The following SORCS1 variants were observed in gnomAD, a reference collection of about 807,000 sequenced individuals.
The protein encoded by SORCS1 is sortilin related VPS10 domain containing receptor 1.
Under a neutral mutation model 146.1 loss-of-function variants are expected in SORCS1, and 60 were observed. The ratio of observed to expected loss-of-function variants is 0.41; its 90% CI spans 0.33 to 0.51. SORCS1 has a LOEUF of 0.51. Among genes scored for constraint, SORCS1 ranks in the 20% least tolerant of loss-of-function variants. The probability of loss-of-function intolerance (pLI) is 0.21; values close to 1 mark genes in which losing one functional copy is unlikely to be tolerated. For synonymous variants in SORCS1, 637 were observed against 584.0 expected, an observed-to-expected ratio of 1.09 and a Z score of -1.31; for missense variants, 1,352 against 1,487.6, an observed-to-expected ratio of 0.91 and a Z score of 1.50.
chr10:106,734,235 G>A (rs1395473927), intron 5 of SORCS1, among the ~76,000 whole-genome samples: 1 of 152,174 alleles, frequency 6.6e-6, no homozygotes, highest in Non-Finnish European at 1.5e-5. Context: ...TTATGGAAGG[G>A]AAAGGGAGTC....
At chr10:106,715,417 G>A (rs1425940819) in intron 6 of SORCS1, among the ~76,000 whole-genome samples, 1 of 152,192 alleles carries the variant, frequency 6.6e-6, no homozygotes, top group African/African-American at 2.4e-5. Flanking sequence ...AACCTGTGCT[G>A]TTCTAGAGAA....
chr10:106,933,618 C>T (rs1398253859), intron 2 of SORCS1, among the ~76,000 whole-genome samples: 1 of 152,094 alleles, frequency 6.6e-6, no homozygotes, highest in African/African-American at 2.4e-5. Context: ...GATATCTGAA[C>T]AGACAGTTGT....
chr10:106,933,132 T>C (rs1307710541), intron 2 of SORCS1, among the ~76,000 whole-genome samples: 1 of 152,182 alleles, frequency 6.6e-6, no homozygotes, highest in Non-Finnish European at 1.5e-5. Context: ...AATGGCAAGA[T>C]GGGAGAACAT....
intron 12 of SORCS1, among the ~76,000 whole-genome samples, chr10:106,677,625 A>C (rs771444526): frequency 1.7e-4 from 26 of 152,226 alleles, no homozygotes; most frequent in Non-Finnish European, 2.8e-4. Context: ...AATAAATTTG[A>C]ACAATGAATA....
chr10:106,747,399 T>A (rs994547577), intron 5 of SORCS1, among the ~76,000 whole-genome samples: 6 of 152,224 alleles, frequency 3.9e-5, no homozygotes, highest in African/African-American at 1.4e-4. Flanking sequence ...AAGAGATTCC[T>A]GCAAGTCATA....
At chr10:106,581,318 TACATACACACAC>T (rs1304359919) in intron 24 of SORCS1, among the ~76,000 whole-genome samples, 2 of 125,662 alleles carry the variant, frequency 1.6e-5, no homozygotes, top group African/African-American at 3.6e-5. Context: ...TGAATCGTCA[TACATACACACAC>T]ACACACACAC....
At chr10:107,000,605 C>CAAA (rs1217124316) in intron 1 of SORCS1, among the ~76,000 whole-genome samples, 16 of 75,560 alleles carry the variant, frequency 2.1e-4, no homozygotes, top group African/African-American at 7.7e-4. Context: ...GACTCCATCT[C>CAAA]AAAAAAAAAA....
At chr10:106,706,050 C>A (rs1167311681) in intron 8 of SORCS1, among the ~76,000 whole-genome samples, 1 of 152,150 alleles carries the variant, frequency 6.6e-6, no homozygotes, top group East Asian at 1.9e-4. Flanking sequence ...AGCTGTTGCA[C>A]TGATACATAA....
At chr10:106,664,959 C>G (rs565198868) in intron 17 of SORCS1, among the ~76,000 whole-genome samples, 1 of 151,990 alleles carries the variant, frequency 6.6e-6, no homozygotes, top group African/African-American at 2.4e-5. Context: ...TTTTATTAAC[C>G]TTTTCATTTT....
rs773702730 is a variant in SORCS1 at position 107,164,213 on chromosome 10, G to A, written c.314C>T (p.Ser105Phe). ...TGASMAVAARSGRRRRSGADQ... is the reference protein window; with the variant it reads ...TGASMAVAARFGRRRRSGADQ... ...CGCTCCGCTCCGTCTCCTCCGGCCG[G>A]AGCGTGCAGCAACCGCCATGGATGC... is the stretch of plus-strand genomic sequence containing the variant. The change falls in exon 1 of 26, where the codon TCC becomes TTC. Residue 105 changes from serine to phenylalanine, a missense_variant. Transcript: ENST00000263054. This position sits in a 1 kb window ranked among gnomAD's most constrained non-coding sequence, Gnocchi z 6.8. The A allele has an allele frequency of 2.5e-6, 4 of 1,609,138 alleles. No individual in the cohort carries two copies. The highest frequency in any genetic ancestry group is 3.4e-6 in the Non-Finnish European group (4 of 1,179,770).
chr10:106,904,270 T>G (rs1260228011), intron 2 of SORCS1, among the ~76,000 whole-genome samples: 1 of 152,228 alleles, frequency 6.6e-6, no homozygotes, highest in Admixed American at 6.5e-5. Flanking sequence ...GTCTAAATGT[T>G]TATTTAACAA....
chr10:106,971,436 T>G (rs1955782576), intron 1 of SORCS1, among the ~76,000 whole-genome samples: 1 of 152,242 alleles, frequency 6.6e-6, no homozygotes, highest in Non-Finnish European at 1.5e-5. Context: ...TGAGCAATTA[T>G]TGTAACTAGC....
At chr10:106,643,709 G>A (rs139505523) in intron 18 of SORCS1, among the ~76,000 whole-genome samples, 15 of 152,204 alleles carry the variant, frequency 9.9e-5, no homozygotes, top group African/African-American at 2.4e-4. Flanking sequence ...ACATATCTTC[G>A]AACCAGATTC....
intron 2 of SORCS1, among the ~76,000 whole-genome samples, chr10:106,852,047 T>C (rs1949601204): frequency 6.6e-6 from 1 of 152,212 alleles, no homozygotes; most frequent in Non-Finnish European, 1.5e-5. Flanking sequence ...TATTGTACAA[T>C]CTTGCTACAA....
intron 2 of SORCS1, among the ~76,000 whole-genome samples, chr10:106,908,222 C>T (rs185793762): frequency 1.3e-4 from 20 of 152,144 alleles, no homozygotes; most frequent in Admixed American, 2.6e-4. Context: ...CTAATGTTGT[C>T]GGGTAACAGT....
chr10:106,671,431 A>C (rs1242187576), intron 15 of SORCS1, 64 bp from the exon 16 acceptor site: 2 of 1,599,520 alleles, frequency 1.3e-6, no homozygotes, highest in African/African-American at 1.3e-5. Context: ...GCTCCACATG[A>C]GTGACATTTA....
intron 3 of SORCS1, among the ~76,000 whole-genome samples, chr10:106,814,731 G>A (rs1425161826): frequency 2.0e-5 from 3 of 151,804 alleles, no homozygotes; most frequent in African/African-American, 4.8e-5. Flanking sequence ...TGGCTAACGT[G>A]GTGAAACCGC....
In SORCS1 at chr10:106,699,228, T is replaced by A. The variant is rs571084203; in HGVS notation, c.1399A>T (p.Ile467Phe). Residue 467 changes from isoleucine (I) to phenylalanine (F), a missense_variant, in exon 9 of 26, where the codon ATC (isoleucine) becomes TTC (phenylalanine). By Grantham distance (21) the Ile-to-Phe change is conservative. This residue lies in a region of SORCS1 where 648 missense variants were observed against 793.8 expected (regional missense o/e 0.82). Coordinates refer to ENST00000263054, the MANE Select transcript of SORCS1 (RefSeq NM_052918.5). ...SSRGPEGNIM[I>F]DLYEVAGIKG... ...TCGTGACATACCTCATAGAGGTCGA[T>A]CATGATGTTGCCCTCAGGGCCTCTG... is the stretch of plus-strand genomic sequence containing the variant. 6.2e-7 allele frequency: 1 copy of A among 1,612,584 alleles called. No individual in the cohort carries two copies. The highest frequency in any genetic ancestry group is 8.5e-7 in the Non-Finnish European group (1 of 1,179,238).
chr10:107,038,696 C>CGG lies in SORCS1; in HGVS notation c.559-82118_559-82117dup, dbSNP rs58516423. ...CCCACCCCCAACCCTGGGCAGGGGG[C>CGG]GGGGGGGGAGGTGGTAGTGGTGAGG... is the stretch of plus-strand genomic sequence containing the variant. On this transcript the variant is annotated intron_variant, in intron 1 of 25. Transcript: ENST00000263054. Among the ~76,000 whole-genome samples the CGG allele has an allele frequency of 6.1e-3, 909 of 149,642 alleles. 5 individuals carry two copies. Among genetic ancestry groups the CGG allele is most frequent in the East Asian group, 8.5e-3 (42 of 4,960 alleles).
Sources: allele counts gnomAD v4.1 joint callset (sites outside exome capture counted in the v4.1 genomes callset), GRCh38; gene constraint gnomAD v4.1.1; regional missense constraint gnomAD v4.1.1; non-coding constraint Gnocchi (gnomAD v3.1); transcripts MANE v1.5; gene names NCBI Gene and HGNC (gene_info 2026-07-23, HGNC 2026-07-21).